The following ZNF540 variants were observed in gnomAD, a reference collection of about 807,000 sequenced individuals.
ZNF540 encodes zinc finger protein 540, also known as CTD-3064H18.6.
A neutral mutation model predicts 11.8 loss-of-function variants in ZNF540; 3 were observed. The ratio of observed to expected loss-of-function variants is 0.25; its 90% confidence interval spans 0.12 to 0.65. The LOEUF is 0.65. ZNF540 is among the 30% of genes least tolerant of loss of function. ZNF540 has a pLI of 0.83. For missense variants in ZNF540, 709 were observed against 793.1 expected, an observed-to-expected ratio of 0.89 and a Z score of 1.27; for synonymous variants, 247 against 259.0, an observed-to-expected ratio of 0.95 and a Z score of 0.45.
At chr19:37,553,669 C>T (rs189255152) in intron 1 of ZNF540, among the ~76,000 whole-genome samples, 1 of 152,076 alleles carries the variant, frequency 6.6e-6, no homozygotes, top group African/African-American at 2.4e-5. Context: ...TTCCTAGAGG[C>T]TTTCAACATT....
At position 37,555,955 on chromosome 19, in the gene ZNF540, A is replaced by G. The variant is rs966764125; in HGVS notation, c.-73+4290A>G. 8 of 700,892 alleles carry G rather than the reference A, an allele frequency of 1.1e-5. No individual in the cohort carries two copies. The African/African-American group carries it at 1.4e-4, about 12-fold the overall frequency. The allele number at this position is 700,892 out of a possible 1,614,324, so 43.4% of individuals were successfully genotyped here. A position where few individuals can be genotyped will look rare whatever the true frequency, so the allele number is the denominator to read the frequency against. On this transcript the variant is annotated intron_variant, in intron 1 of 4. Transcript: ENST00000592533. ...AAAGTTACACATGTCCAATCAGGGC[A>G]GAAAAACTGGTAAGTATCTCGACAG...
chr19:37,565,324 G>T, intron 1 of ZNF540: 1 of 1,611,300 alleles, frequency 6.2e-7, no homozygotes, highest in South Asian at 1.1e-5. Flanking sequence ...AGGTCTTCCC[G>T]CATTCTTTAC....
At chr19:37,607,493 C>T (rs1389404316) in intron 4 of ZNF540, among the ~76,000 whole-genome samples, 1 of 152,148 alleles carries the variant, frequency 6.6e-6, no homozygotes, top group Non-Finnish European at 1.5e-5. Context: ...CCACCCTAAC[C>T]TTTAGAAACC....
intron 1 of ZNF540, chr19:37,564,904 G>C: frequency 6.2e-7 from 1 of 1,613,688 alleles, no homozygotes; most frequent in Middle Eastern, 1.7e-4. Flanking sequence ...TAAAGGCCTT[G>C]TCACATTCCT....
intron 1 of ZNF540, chr19:37,563,482 T>G (rs2042742608): frequency 6.6e-6 from 1 of 152,114 alleles, no homozygotes; most frequent in African/African-American, 2.4e-5. Flanking sequence ...TATATTTCCA[T>G]TTAAGGCAAA....
intron 1 of ZNF540, among the ~76,000 whole-genome samples, chr19:37,568,321 C>G (rs1389932383): frequency 6.6e-6 from 1 of 150,446 alleles, no homozygotes. Context: ...GCAACTACCC[C>G]CCCCCACTTG....
At chr19:37,561,536 T>C (rs537674344) in intron 1 of ZNF540, among the ~76,000 whole-genome samples, 7 of 152,320 alleles carry the variant, frequency 4.6e-5, no homozygotes, top group Admixed American at 3.3e-4. Flanking sequence ...AAACAAAAGA[T>C]AGTATTTTCT....
chr19:37,552,714 G>A (rs1335020046), intron 1 of ZNF540, among the ~76,000 whole-genome samples: 1 of 152,194 alleles, frequency 6.6e-6, no homozygotes, highest in East Asian at 1.9e-4. Context: ...CTGGAAGGCT[G>A]AGGTGGTGGG....
chr19:37,592,693 T>C (rs887338368), upstream of ZNF540, among the ~76,000 whole-genome samples: 3 of 152,232 alleles, frequency 2.0e-5, no homozygotes, highest in Non-Finnish European at 2.9e-5. Flanking sequence ...GCACCAACTA[T>C]GAATTAAAGG....
At chr19:37,554,764 G>GA (rs1342941414) in intron 1 of ZNF540, 1 of 152,160 alleles carries the variant, frequency 6.6e-6, no homozygotes, top group African/African-American at 2.4e-5. Context: ...CTGAGTTAGA[G>GA]AAAACGCCAC....
rs1306075515 is a variant in ZNF540 at position 37,599,640 on chromosome 19, C to G, written c.24C>G (p.Phe8Leu). 2 of 1,613,914 alleles carry G rather than the reference C, an allele frequency of 1.2e-6. No individual in the cohort carries two copies. The highest frequency in any genetic ancestry group is 1.3e-5 in the African/African-American group (1 of 74,922). ...TATGGTTTCAGGCATTGGTGACGTT[C>G]AGGGATGTGGCTATAGACTTCTCTC... MAHALVT[F>L]RDVAIDFSQK... Residue 8 changes from phenylalanine to leucine, a missense_variant, in exon 3 of 5, where the codon TTC becomes TTG. Coordinates refer to ENST00000316433, the MANE Select transcript of ZNF540 (RefSeq NM_001172225.3).
intron 1 of ZNF540, chr19:37,564,810 T>C: frequency 4.3e-6 from 7 of 1,613,800 alleles, no homozygotes; most frequent in Non-Finnish European, 5.1e-6. Flanking sequence ...GAGCCACGAA[T>C]AAAAGCCTTC....
intron 1 of ZNF540, among the ~76,000 whole-genome samples, chr19:37,588,639 C>T (rs2043766070): frequency 6.6e-6 from 1 of 152,176 alleles, no homozygotes; most frequent in South Asian, 2.1e-4. Context: ...CTGGATCATA[C>T]CCCAAACCTC....
upstream of ZNF540, among the ~76,000 whole-genome samples, chr19:37,590,684 G>C (rs1771697332): frequency 6.6e-6 from 1 of 152,104 alleles, no homozygotes; most frequent in Non-Finnish European, 1.5e-5. Flanking sequence ...TTAAAAACTG[G>C]TAAATATGTA....
At chr19:37,565,384 G>A (rs761272948) in intron 1 of ZNF540, 1 of 1,612,152 alleles carries the variant, frequency 6.2e-7, no homozygotes, top group Admixed American at 1.7e-5. Flanking sequence ...CATTCAGTTG[G>A]GAGGCACATA....
At chr19:37,564,184 C>G (rs1407144390) in intron 1 of ZNF540, 1 of 153,512 alleles carries the variant, frequency 6.5e-6, no homozygotes, top group Non-Finnish European at 1.4e-5. Context: ...ATAAAATATT[C>G]CCACCATTTG....
At chr19:37,577,319 A>G (rs2043276175) in intron 1 of ZNF540, among the ~76,000 whole-genome samples, 1 of 152,182 alleles carries the variant, frequency 6.6e-6, no homozygotes, top group Admixed American at 6.5e-5. Context: ...TGTTTATTAA[A>G]ACCAGCCTAC....
intron 1 of ZNF540, among the ~76,000 whole-genome samples, chr19:37,558,015 G>A (rs183828343): frequency 1.3e-5 from 2 of 152,206 alleles, no homozygotes; most frequent in African/African-American, 4.8e-5. Flanking sequence ...CAACTCCCTG[G>A]CTTTCATGGA....
chr19:37,605,975 G>A (rs1006770160), intron 4 of ZNF540, among the ~76,000 whole-genome samples: 13 of 152,122 alleles, frequency 8.5e-5, no homozygotes, highest in Admixed American at 7.2e-4. Context: ...GTGCACACTT[G>A]GTGACTTTTA....
Sources: allele counts gnomAD v4.1 joint callset (sites outside exome capture counted in the v4.1 genomes callset), GRCh38; gene constraint gnomAD v4.1.1; transcripts MANE v1.5; gene names NCBI Gene and HGNC (gene_info 2026-07-23, HGNC 2026-07-21).